C2CD2: variants seen among roughly 807,000 people sequenced by gnomAD.
C2CD2 encodes C2 domain-containing protein 2.
A neutral mutation model predicts 74.3 loss-of-function variants in C2CD2; 43 were observed. That is an observed-to-expected ratio of 0.58 (90% confidence interval 0.45 to 0.75). C2CD2 has a LOEUF of 0.75. C2CD2 is among the 30% of genes least tolerant of loss of function. The pLI, the probability that C2CD2 is intolerant of heterozygous loss-of-function variation, is 0.00. For missense variants in C2CD2, 801 were observed against 916.3 expected (o/e 0.87, Z 1.63); for synonymous variants, 422 against 390.7 (o/e 1.08, Z -0.94).
intron 3 of C2CD2, 35 bp downstream of exon 3, chr21:41,921,937 G>A (rs3746909): frequency 0.28 from 351,104 of 1,276,540 alleles, 49,750 homozygotes; most frequent in Non-Finnish European, 0.29. Flanking sequence ...GAACTGTGAC[G>A]GGTCTCATAA....
At chr21:41,947,830 G>A (rs2065414525) in intron 1 of C2CD2, among the ~76,000 whole-genome samples, 1 of 152,210 alleles carries the variant, frequency 6.6e-6, no homozygotes, top group African/African-American at 2.4e-5. Flanking sequence ...TAGGAGGGTA[G>A]AGCTGGAGCA....
At position 41,924,128 on chromosome 21, in the gene C2CD2, C is replaced by A. The variant is rs1259084827; in HGVS notation, c.379-2043G>T. ...GGTGGATTTATCAGAATCTAAAATA[C>A]CAAATGGAAAGATTATCAAAATAAT... On this transcript the variant is annotated intron_variant, in intron 2 of 13. Transcript: ENST00000380486. The surrounding 1 kb of genome is among the most constrained non-coding windows in gnomAD (Gnocchi z 4.4). Among the ~76,000 whole-genome samples, 1 of 152,208 alleles carries A rather than the reference C, an allele frequency of 6.6e-6. No homozygotes were observed. The highest frequency in any genetic ancestry group is 1.5e-5 in the Non-Finnish European group (1 of 68,034).
chr21:41,899,224 G>C lies in C2CD2; in HGVS notation c.1699C>G (p.Gln567Glu). The C allele has an allele frequency of 6.2e-7, 1 of 1,612,438 alleles. No homozygotes were observed. Among genetic ancestry groups the C allele is most frequent in the Non-Finnish European group, 8.5e-7 (1 of 1,179,594 alleles). Residue 567 changes from glutamine to glutamate, a missense_variant, in exon 13 of 14, where the codon CAG (glutamine) becomes GAG (glutamate). By Grantham distance (29) the Gln-to-Glu change is conservative (BLOSUM62 2). Coordinates refer to ENST00000380486, the MANE Select transcript of C2CD2 (RefSeq NM_015500.2). This position sits in a 1 kb window ranked among gnomAD's most constrained non-coding sequence, Gnocchi z 4.4. ...SAPPEEAESA[Q>E]ASLAPKPQED... Reference sequence around the variant, plus strand: ...TGGGGCTTGGGGGCAAGGGATGCCTGGGCTGACTCGGCTTCCTCTGGCGGG... The same window carrying C: ...TGGGGCTTGGGGGCAAGGGATGCCTCGGCTGACTCGGCTTCCTCTGGCGGG...
At chr21:41,904,361 G>C (rs2064935589) in intron 11 of C2CD2, among the ~76,000 whole-genome samples, 1 of 152,140 alleles carries the variant, frequency 6.6e-6, no homozygotes, top group South Asian at 2.1e-4. Context: ...TCCACCACTT[G>C]TTTAACATAT....
rs757867852 is a variant in C2CD2 at position 41,909,523 on chromosome 21, G to A, written c.954C>T (p.Phe318=). Residue 318 remains phenylalanine (F), a splice_region_variant and synonymous_variant, in exon 8 of 14, where the codon TTC becomes TTT. Coordinates refer to ENST00000380486, the MANE Select transcript of C2CD2 (RefSeq NM_015500.2). ...PDLMWEEEFT[F]ELNAKSKELH... ...ACTCCTTCGACTTGGCATTCAACTC[G>A]CTTTGGAAGAGAAACAAGTTATGAG... The A allele has an allele frequency of 3.6e-5, 58 of 1,608,574 alleles. No homozygotes were observed. Among genetic ancestry groups the A allele is most frequent in the Non-Finnish European group, 4.6e-5 (54 of 1,175,052 alleles).
At chr21:41,910,743 A>AT (rs1048770800) in intron 7 of C2CD2, among the ~76,000 whole-genome samples, 2 of 152,068 alleles carry the variant, frequency 1.3e-5, no homozygotes, top group African/African-American at 4.8e-5. Flanking sequence ...CTAATTGTTC[A>AT]TTTTTTAAGG....
chr21:41,888,919 A>G lies in C2CD2; in HGVS notation c.*205T>C, dbSNP rs1463110188. 3.4e-6 allele frequency: 2 copies of G among 595,468 alleles called. No individual in the cohort carries two copies. The highest frequency in any genetic ancestry group is 3.7e-5 in the African/African-American group (2 of 53,824). The allele number at this position is 595,468 out of a possible 1,614,324, so 36.9% of individuals were successfully genotyped here. A position where few individuals can be genotyped will look rare whatever the true frequency, so the allele number is the denominator to read the frequency against. On this transcript the variant is annotated 3_prime_UTR_variant, in exon 14 of 14. Transcript: ENST00000380486. ...CAAGTCTCATTTAGCATCTGGTGGC[A>G]AGTTGGGCTTTTTTGTCCTCTCTGG...
At position 41,953,926 on chromosome 21, in the gene C2CD2, G is replaced by C. The variant is rs566229286; in HGVS notation, c.-278C>G. ...GCCCGCGCTCCCGACTCGGCGTCTG[G>C]GAAGTTCCTGGGCCGCTGCGGGCCG... On this transcript the variant is annotated 5_prime_UTR_variant, in exon 1 of 14. Transcript: ENST00000380486. 2,065 of 169,630 alleles carry C rather than the reference G, an allele frequency of 0.012. 22 individuals carry two copies. The highest frequency in any genetic ancestry group is 0.026 in the South Asian group (132 of 5,020). 10.5% of individuals were successfully genotyped at this position (169,630 alleles called of 1,614,324 possible). A position where few individuals can be genotyped will look rare whatever the true frequency, so the allele number is the denominator to read the frequency against.
In C2CD2 at chr21:41,953,706, G is replaced by C; in HGVS notation, c.-58C>G. On this transcript the variant is annotated 5_prime_UTR_variant, in exon 1 of 14. Transcript: ENST00000380486. ...CCCGGCAGCCCCGGGCCGGAACGGC[G>C]GACTCAGGACACGCGCTGGCTGCGG... is the stretch of plus-strand genomic sequence containing the variant. The C allele has an allele frequency of 1.5e-6, 2 of 1,312,278 alleles. 1 individual carries two copies. The highest frequency in any genetic ancestry group is 4.0e-5 in the South Asian group (2 of 50,008). The allele number at this position is 1,312,278 out of a possible 1,614,324, so 81.3% of individuals were successfully genotyped here.
At position 41,953,771 on chromosome 21, in the gene C2CD2, C is replaced by A; in HGVS notation, c.-123G>T. On this transcript the variant is annotated 5_prime_UTR_variant, in exon 1 of 14. Transcript: ENST00000380486. ...GGGCGTGGAGGGGGCGCGGCGGGGT[C>A]GGAGCCCGGCGAGGAGCGTGGCCGG... 4.2e-6 allele frequency: 4 copies of A among 943,396 alleles called. No homozygotes were observed. In the South Asian group the frequency reaches 1.5e-4, roughly 36 times the overall value. 58.4% of individuals were successfully genotyped at this position (943,396 alleles called of 1,614,324 possible). A position where few individuals can be genotyped will look rare whatever the true frequency, so the allele number is the denominator to read the frequency against.
intron 13 of C2CD2, among the ~76,000 whole-genome samples, chr21:41,897,652 T>A (rs551149020): frequency 1.3e-5 from 2 of 152,248 alleles, no homozygotes; most frequent in Non-Finnish European, 2.9e-5. Context: ...CTCCCTTTCC[T>A]CTTCTAACTT....
At chr21:41,934,754 T>C (rs905179293) in intron 2 of C2CD2, among the ~76,000 whole-genome samples, 1 of 152,026 alleles carries the variant, frequency 6.6e-6, no homozygotes, top group Non-Finnish European at 1.5e-5. Context: ...TCCTCTACCT[T>C]TACAGGTGAG....
chr21:41,898,781 C>T (rs1406022685), intron 13 of C2CD2, among the ~76,000 whole-genome samples: 1 of 152,212 alleles, frequency 6.6e-6, no homozygotes, highest in Non-Finnish European at 1.5e-5. Context: ...CCAGGTGGAG[C>T]AAGCCCAGAC....
Position 41,953,805 on chromosome 21 carries a change from G to T in C2CD2, c.-157C>A. On this transcript the variant is annotated 5_prime_UTR_variant, in exon 1 of 14. Coordinates refer to ENST00000380486, the MANE Select transcript of C2CD2 (RefSeq NM_015500.2). ...GCGAGGAGCGTGGCCGGGGGCCTCT[G>T]GGCGGGCAAGCGGGGAGGAAACGCG... 1 of 599,036 alleles carries T rather than the reference G, an allele frequency of 1.7e-6. No individual in the cohort carries two copies. The highest frequency in any genetic ancestry group is 2.4e-6 in the Non-Finnish European group (1 of 424,744). The allele number at this position is 599,036 out of a possible 1,614,324, so 37.1% of individuals were successfully genotyped here. A position where few individuals can be genotyped will look rare whatever the true frequency, so the allele number is the denominator to read the frequency against.
intron 3 of C2CD2, 156 bp from the exon 4 acceptor site, chr21:41,919,116 A>ATGCGCATGTGTGCATATGAGCATGTG (rs1344185365): frequency 1.6e-6 from 1 of 639,650 alleles, no homozygotes; most frequent in African/African-American, 1.8e-5. Flanking sequence ...GTGTGCGTGT[A>ATGCGCATGTGTGCATATGAGCATGTG]TGCGCATGTG....
At position 41,942,198 on chromosome 21, in the gene C2CD2, C is replaced by T; in HGVS notation, c.327G>A (p.Leu109=). The T allele has an allele frequency of 6.5e-7, 1 of 1,549,566 alleles. No homozygotes were observed. The highest frequency in any genetic ancestry group is 8.7e-7 in the Non-Finnish European group (1 of 1,146,824). The change falls in exon 2 of 14, where the codon CTG becomes CTA. Residue 109 remains leucine, a synonymous_variant. Transcript: ENST00000380486. The stretch of plus-strand genomic sequence containing the variant: ...TGGAGACCTCCTGCACCACCAGCTC[C>T]AGTGCCTGCTGCCGCGGGTCCTCCT... ...SFEEDPRQQA[L]ELVVQEVSSV...
In C2CD2 at chr21:41,893,788, G is replaced by A. The variant is rs188355154; in HGVS notation, c.1871-4444C>T. Among the ~76,000 whole-genome samples the A allele has an allele frequency of 4.3e-5, 6 of 138,588 alleles. No individual in the cohort carries two copies. The East Asian group carries it at 9.5e-4, about 22-fold the overall frequency. The allele number at this position is 138,588 out of a possible 152,430, so 90.9% of individuals were successfully genotyped here. The stretch of plus-strand genomic sequence containing the variant: ...GCTATCTCAGCTCACTGCAACCTCC[G>A]CCTCCCAGGCTCAAGCGACTCTTCT... On this transcript the variant is annotated intron_variant, in intron 13 of 13. Transcript: ENST00000380486.
intron 13 of C2CD2, among the ~76,000 whole-genome samples, chr21:41,891,677 A>G (rs1012250490): frequency 2.0e-5 from 3 of 152,138 alleles, no homozygotes; most frequent in Non-Finnish European, 4.4e-5. Context: ...TGAAGGGCCT[A>G]TGGACAAGGG....
chr21:41,953,451 C>G lies in C2CD2; in HGVS notation c.198G>C (p.Trp66Cys). Residue 66 changes from tryptophan to cysteine, a missense_variant, in exon 1 of 14, where the codon TGG becomes TGC. Coordinates refer to ENST00000380486, the MANE Select transcript of C2CD2 (RefSeq NM_015500.2). ...TCCTCCAGCTGCCCAGCGTCAGGAT[C>G]CAGGAGAGCAGCGCGTCGGACCCCG... ...PRPGSDALLS[W>C]ILTLGSWRSQ... The G allele has an allele frequency of 6.0e-6, 9 of 1,491,466 alleles. No individual in the cohort carries two copies. Among genetic ancestry groups the G allele is most frequent in the Non-Finnish European group, 7.2e-6 (8 of 1,117,350 alleles). The allele number at this position is 1,491,466 out of a possible 1,614,324, so 92.4% of individuals were successfully genotyped here.
Sources: allele counts gnomAD v4.1 joint callset (sites outside exome capture counted in the v4.1 genomes callset), GRCh38; gene constraint gnomAD v4.1.1; non-coding constraint Gnocchi (gnomAD v3.1); transcripts MANE v1.5; gene names NCBI Gene and HGNC (gene_info 2026-07-23, HGNC 2026-07-21).